The following C10orf90 variants were observed in gnomAD, a reference collection of about 807,000 sequenced individuals.
C10orf90 encodes chromosome 10 open reading frame 90.
A neutral mutation model predicts 62.5 loss-of-function variants in C10orf90; 56 were observed. The observed-to-expected ratio is 0.90, with a 90% CI of 0.72 to 1.12. C10orf90 has a LOEUF of 1.12. Among genes scored for constraint, C10orf90 ranks in the 50% most tolerant of loss-of-function variants. The pLI is 0.00. For synonymous variants in C10orf90, 386 were observed against 340.4 expected, an observed-to-expected ratio of 1.13 and a Z score of -1.47; for missense variants, 970 against 880.4, an observed-to-expected ratio of 1.10 and a Z score of -1.29.
At chr10:126,510,870 T>A (rs1234706605) in intron 3 of C10orf90, among the ~76,000 whole-genome samples, 3 of 152,262 alleles carry the variant, frequency 2.0e-5, no homozygotes, top group Admixed American at 6.5e-5. Context: ...ATCAGAGGAA[T>A]CGGCTCCTAA....
chr10:126,528,062 G>A lies in C10orf90; in HGVS notation c.314-14123C>T, dbSNP rs117232749. The stretch of plus-strand genomic sequence containing the variant: ...ACAAGATAAAGGAAGTTTCACTAAT[G>A]AACTTGAACTTTAGAGTGAGACAAA... On this transcript the variant is annotated intron_variant, in intron 2 of 9. Transcript: ENST00000488181. Among the ~76,000 whole-genome samples the A allele has an allele frequency of 9.9e-4, 151 of 152,276 alleles. 4 individuals are homozygous for A. In the East Asian group the frequency reaches 0.023, roughly 23 times the overall value.
intron 2 of C10orf90, among the ~76,000 whole-genome samples, chr10:126,559,091 A>G (rs1864844795): frequency 1.3e-5 from 2 of 152,354 alleles, no homozygotes; most frequent in South Asian, 4.1e-4. Context: ...AAACCATTCT[A>G]TGCCAGCTGA....
At position 126,491,644 on chromosome 10, in the gene C10orf90, G is replaced by A. The variant is rs905550784; in HGVS notation, c.1534+12313C>T. 1.1e-4 allele frequency among the ~76,000 whole-genome samples: 16 copies of A among 152,222 alleles called. 1 individual carries two copies. Among genetic ancestry groups the A allele is most frequent in the Admixed American group, 1.0e-3 (16 of 15,286 alleles). On this transcript the variant is annotated intron_variant, in intron 4 of 9. Coordinates refer to ENST00000488181, the MANE Select transcript of C10orf90 (RefSeq NM_001350921.2). The stretch of plus-strand genomic sequence containing the variant: ...AGATTCCTCATCCTTCAAATCCGCA[G>A]ACGGAAACAGAGGAGCTTTTGTGAT...
chr10:126,654,193 C>T (rs1337235055), intron 1 of C10orf90, among the ~76,000 whole-genome samples: 1 of 152,150 alleles, frequency 6.6e-6, no homozygotes, highest in East Asian at 1.9e-4. Context: ...GAGAGTCAGC[C>T]TGTCCTGTGG....
intron 8 of C10orf90, among the ~76,000 whole-genome samples, chr10:126,429,378 T>C (rs1857440079): frequency 6.6e-6 from 1 of 152,162 alleles, no homozygotes; most frequent in African/African-American, 2.4e-5. Flanking sequence ...TTGGATCCTT[T>C]CCTTCAGTCC....
chr10:126,485,776 TAA>T (rs55941505), intron 4 of C10orf90, among the ~76,000 whole-genome samples: 5 of 144,994 alleles, frequency 3.4e-5, no homozygotes, highest in Admixed American at 1.4e-4. Context: ...CTATCTCTAT[TAA>T]AAAAAAAAAA....
intron 4 of C10orf90, among the ~76,000 whole-genome samples, chr10:126,486,824 T>G (rs1861459325): frequency 6.6e-6 from 1 of 151,400 alleles, no homozygotes; most frequent in Admixed American, 6.6e-5. Context: ...TCTGTGAAAA[T>G]GGGAAAGACA....
intron 2 of C10orf90, among the ~76,000 whole-genome samples, chr10:126,591,159 C>A (rs1223253803): frequency 6.6e-6 from 1 of 152,184 alleles, no homozygotes; most frequent in East Asian, 1.9e-4. Flanking sequence ...CTATTCCAAT[C>A]AATTAAAAAG....
chr10:126,632,807 C>T (rs1483991573), intron 2 of C10orf90, among the ~76,000 whole-genome samples: 1 of 152,102 alleles, frequency 6.6e-6, no homozygotes, highest in African/African-American at 2.4e-5. Flanking sequence ...GTGCTTGGCC[C>T]CAGCCTTCAC....
intron 7 of C10orf90, among the ~76,000 whole-genome samples, chr10:126,447,596 T>C (rs1858869048): frequency 6.6e-6 from 1 of 152,160 alleles, no homozygotes; most frequent in African/African-American, 2.4e-5. Flanking sequence ...AAGGCTTCAG[T>C]ATCTCACTTT....
intron 7 of C10orf90, among the ~76,000 whole-genome samples, chr10:126,441,989 A>C (rs1858358360): frequency 6.6e-6 from 1 of 152,072 alleles, no homozygotes; most frequent in South Asian, 2.1e-4. Context: ...AAGCAAAAAC[A>C]AAAAACAAAA....
intron 5 of C10orf90, among the ~76,000 whole-genome samples, chr10:126,461,796 G>C (rs1859998215): frequency 6.6e-6 from 1 of 152,144 alleles, no homozygotes; most frequent in Non-Finnish European, 1.5e-5. Flanking sequence ...CCAGACTTCA[G>C]GACCAGCTAA....
At position 126,652,985 on chromosome 10, in the gene C10orf90, T is replaced by G. The variant is rs74158865; in HGVS notation, c.241-6348A>C. ...GCTTCCCAGGACATAGAAATGTTGT[T>G]TACACTATATTATATTCTATTAAAG... On this transcript the variant is annotated intron_variant, in intron 1 of 9. Coordinates refer to ENST00000488181, the MANE Select transcript of C10orf90 (RefSeq NM_001350921.2). 3.4e-3 allele frequency among the ~76,000 whole-genome samples: 516 copies of G among 152,316 alleles called. 3 individuals are homozygous for G. Among genetic ancestry groups the G allele is most frequent in the African/African-American group, 0.012 (503 of 41,562 alleles).
intron 2 of C10orf90, among the ~76,000 whole-genome samples, chr10:126,568,501 G>A (rs1292316641): frequency 6.6e-6 from 1 of 152,128 alleles, no homozygotes; most frequent in South Asian, 2.1e-4. Context: ...CCTCAGGAAG[G>A]GCAGGACCTT....
intron 2 of C10orf90, among the ~76,000 whole-genome samples, chr10:126,629,634 TTTAG>T (rs1157791746): frequency 2.0e-5 from 3 of 152,212 alleles, no homozygotes; most frequent in Admixed American, 6.5e-5. Context: ...TACTTAAAAT[TTTAG>T]TTAAACTAAC....
chr10:126,489,556 T>C (rs7098664), intron 4 of C10orf90, among the ~76,000 whole-genome samples: 2 of 152,006 alleles, frequency 1.3e-5, no homozygotes, highest in Non-Finnish European at 2.9e-5. Flanking sequence ...GGATATTAAT[T>C]GAAAAAACAG....
At position 126,504,073 on chromosome 10, in the gene C10orf90, A is replaced by G. The variant is rs750644638; in HGVS notation, c.1418T>C (p.Val473Ala). The G allele has an allele frequency of 5.6e-6, 9 of 1,613,966 alleles. No homozygotes were observed. In the South Asian group the frequency reaches 9.9e-5, roughly 18 times the overall value. ...FPLENTELANVGANQVTVRKG... is the reference protein window; with the variant it reads ...FPLENTELANAGANQVTVRKG... ...TCTTACAGTGACTTGGTTAGCTCCC[A>G]CATTTGCCAATTCTGTGTTTTCCAA... Residue 473 changes from valine (V) to alanine (A), a missense_variant, in exon 4 of 10, where the codon GTG becomes GCG. Transcript: ENST00000488181. The surrounding 1 kb of genome is among the most constrained non-coding windows in gnomAD (Gnocchi z 4.1).
At chr10:126,524,976 C>T (rs185374237) in intron 2 of C10orf90, among the ~76,000 whole-genome samples, 76 of 152,306 alleles carry the variant, frequency 5.0e-4, no homozygotes, top group African/African-American at 1.7e-3. Flanking sequence ...TCAGAGGGGA[C>T]CATTTCTGCC....
intron 8 of C10orf90, among the ~76,000 whole-genome samples, chr10:126,428,462 C>T (rs1192616794): frequency 6.6e-6 from 1 of 152,118 alleles, no homozygotes; most frequent in Non-Finnish European, 1.5e-5. Flanking sequence ...AGAGTCAGAG[C>T]CCACCCAAAG....
Sources: gnomAD v4.1 joint callset for allele counts (sites outside exome capture counted in the v4.1 genomes callset) on GRCh38, gnomAD v4.1.1 for gene constraint, Gnocchi (gnomAD v3.1) non-coding constraint, MANE v1.5 for transcripts, NCBI Gene and HGNC (gene_info 2026-07-23, HGNC 2026-07-21) for gene names.